SV2C: variants seen among roughly 807,000 people sequenced by gnomAD.
The protein encoded by SV2C is synaptic vesicle glycoprotein 2C.
SV2C carries 49 observed loss-of-function variants against 79.7 expected under a neutral mutation model. That is an observed-to-expected ratio of 0.61 (90% CI 0.49 to 0.78). SV2C has a LOEUF of 0.78. SV2C is among the 30% of genes least tolerant of loss of function. SV2C has a pLI of 0.00. For missense variants in SV2C, 833 were observed against 912.9 expected (o/e 0.91, Z 1.13); for synonymous variants, 334 against 333.2 (o/e 1.00, Z -0.03).
the SV2C span, among the ~76,000 whole-genome samples, chr5:75,868,011 G>T: frequency 2.0e-5 from 3 of 152,254 alleles, no homozygotes; most frequent in Middle Eastern, 3.4e-3. Context: ...CAATGAAAAG[G>T]GATGAGAGTT....
intron 1 of SV2C, among the ~76,000 whole-genome samples, chr5:76,084,804 C>T (rs1003354751): frequency 5.3e-5 from 8 of 150,764 alleles, no homozygotes; most frequent in Admixed American, 4.6e-4. Flanking sequence ...GCGCGGAGAG[C>T]GGCGACCCGG....
intron 2 of SV2C, among the ~76,000 whole-genome samples, chr5:76,185,748 A>G (rs111835945): frequency 0.013 from 2,008 of 152,270 alleles, 45 homozygotes; most frequent in African/African-American, 0.044. Context: ...GTGATGGGAG[A>G]GGCTGCCATG....
rs1347054687 is a variant in SV2C at position 76,329,927 on chromosome 5, G to T, written c.*4380G>T. ...CTCACATCGTGCCAAACTTAGTCTG[G>T]TTACTAAGCCTAAAAACACCAGTAT... On this transcript the variant is annotated 3_prime_UTR_variant, in exon 13 of 13. Coordinates refer to ENST00000502798, the MANE Select transcript of SV2C (RefSeq NM_014979.4). 1 of 152,040 alleles carries T rather than the reference G, an allele frequency of 6.6e-6. No homozygotes were observed. The allele number at this position is 152,040 out of a possible 1,614,324, so 9.4% of individuals were successfully genotyped here.
intron 12 of SV2C, among the ~76,000 whole-genome samples, chr5:76,321,439 A>G (rs1201110088): frequency 1.3e-5 from 2 of 152,198 alleles, no homozygotes; most frequent in South Asian, 2.1e-4. Context: ...ATGCAGGCTC[A>G]TGAACAAAAT....
chr5:75,998,766 T>C, the SV2C span, among the ~76,000 whole-genome samples: 1 of 152,066 alleles, frequency 6.6e-6, no homozygotes, highest in Non-Finnish European at 1.5e-5. Context: ...GTCTCCATAA[T>C]CACATGAGCC....
chr5:76,221,926 G>A (rs1012938631), intron 4 of SV2C, among the ~76,000 whole-genome samples: 1 of 152,218 alleles, frequency 6.6e-6, no homozygotes, highest in Non-Finnish European at 1.5e-5. Flanking sequence ...TACTCCATGA[G>A]CTGTTGATGT....
chr5:75,977,059 T>C, the SV2C span, among the ~76,000 whole-genome samples: 6 of 152,336 alleles, frequency 3.9e-5, no homozygotes, highest in East Asian at 1.2e-3. Flanking sequence ...TTATTTATAG[T>C]CTAAATATAT....
At chr5:76,069,876 A>C in the SV2C span, among the ~76,000 whole-genome samples, 2 of 150,022 alleles carry the variant, frequency 1.3e-5, no homozygotes, top group African/African-American at 4.9e-5. Context: ...ACACACACAC[A>C]CCCTTTCGTG....
chr5:76,095,483 T>C (rs766822309), intron 1 of SV2C, among the ~76,000 whole-genome samples: 9 of 152,150 alleles, frequency 5.9e-5, no homozygotes, highest in Non-Finnish European at 1.2e-4. Flanking sequence ...TTTATCATCA[T>C]TAGTTTGTTT....
intron 12 of SV2C, among the ~76,000 whole-genome samples, chr5:76,319,368 T>C (rs973863223): frequency 4.0e-5 from 6 of 151,718 alleles, no homozygotes; most frequent in Non-Finnish European, 7.4e-5. Flanking sequence ...CAGTGAGCCA[T>C]GATCGCGCCA....
chr5:76,048,986 A>AGAAAGAAAGAAAGAAAGAAG, the SV2C span, among the ~76,000 whole-genome samples: 3 of 91,096 alleles, frequency 3.3e-5, no homozygotes, highest in Non-Finnish European at 7.1e-5. Context: ...AAAGAAAGAA[A>AGAAAGAAAGAAAGAAAGAAG]GAAAGAAAGA....
intron 3 of SV2C, among the ~76,000 whole-genome samples, chr5:76,196,480 GA>G (rs1448150289): frequency 2.6e-5 from 4 of 152,180 alleles, no homozygotes; most frequent in Admixed American, 2.6e-4. Flanking sequence ...CTGCTGACTT[GA>G]AGATGGATTT....
chr5:76,178,604 A>G (rs1743616267), intron 2 of SV2C, among the ~76,000 whole-genome samples: 1 of 152,260 alleles, frequency 6.6e-6, no homozygotes, highest in Non-Finnish European at 1.5e-5. Context: ...TCATTTTATA[A>G]AACAAAAGGC....
At chr5:76,245,144 C>T (rs570155255) in intron 4 of SV2C, among the ~76,000 whole-genome samples, 1 of 152,112 alleles carries the variant, frequency 6.6e-6, no homozygotes, top group Non-Finnish European at 1.5e-5. Context: ...GTTTCAATTG[C>T]TCTCTATATA....
At chr5:76,023,175 G>T in the SV2C span, among the ~76,000 whole-genome samples, 17 of 152,044 alleles carry the variant, frequency 1.1e-4, no homozygotes, top group African/African-American at 3.9e-4. Context: ...CTACTTTTTT[G>T]ATATTAATTT....
upstream of SV2C, among the ~76,000 whole-genome samples, chr5:76,082,633 C>T (rs1384348774): frequency 3.6e-5 from 3 of 82,444 alleles, no homozygotes; most frequent in African/African-American, 1.5e-4. Context: ...TCTCTCTCTC[C>T]ACCCCCCCCC....
intron 1 of SV2C, among the ~76,000 whole-genome samples, chr5:76,096,338 A>G (rs1171426799): frequency 6.6e-6 from 1 of 152,136 alleles, no homozygotes; most frequent in African/African-American, 2.4e-5. Flanking sequence ...GCTGAGAAAA[A>G]AGGAAAACTG....
chr5:75,856,470 T>C, the SV2C span, among the ~76,000 whole-genome samples: 1 of 152,238 alleles, frequency 6.6e-6, no homozygotes, highest in Non-Finnish European at 1.5e-5. Flanking sequence ...TGCTGTCTTT[T>C]GGATATAAGC....
At chr5:75,932,180 A>C in the SV2C span, among the ~76,000 whole-genome samples, 1 of 152,196 alleles carries the variant, frequency 6.6e-6, no homozygotes, top group African/African-American at 2.4e-5. Flanking sequence ...CCTCAGACAC[A>C]GGGAGCCACT....
Sources: allele counts gnomAD v4.1 joint callset (sites outside exome capture counted in the v4.1 genomes callset), GRCh38; gene constraint gnomAD v4.1.1; transcripts MANE v1.5; gene names NCBI Gene and HGNC (gene_info 2026-07-23, HGNC 2026-07-21).